The following GNB1 variants were observed in gnomAD, a reference collection of about 807,000 sequenced individuals.
GNB1 encodes the protein guanine nucleotide-binding protein G(I)/G(S)/G(T) subunit beta-1.
Under a neutral mutation model 42.9 loss-of-function variants are expected in GNB1, and 2 were observed. The ratio of observed to expected loss-of-function variants is 0.05; its 90% CI spans 0.02 to 0.15. The LOEUF is 0.15. GNB1 is among the 10% of genes least tolerant of loss of function. GNB1 has a pLI of 1.00. For synonymous variants in GNB1, 183 were observed against 174.7 expected (o/e 1.05, Z -0.38); for missense variants, 193 against 462.2 (o/e 0.42, Z 5.34).
chr1:1,876,193 GTGA>G (rs1443896395), intron 1 of GNB1, among the ~76,000 whole-genome samples: 10 of 152,292 alleles, frequency 6.6e-5, no homozygotes, highest in African/African-American at 2.2e-4. Context: ...CATCCAACTT[GTGA>G]TGATTTGCTA....
intron 7 of GNB1, among the ~76,000 whole-genome samples, chr1:1,803,008 T>A (rs1646646489): frequency 6.6e-6 from 1 of 152,148 alleles, no homozygotes; most frequent in African/African-American, 2.4e-5. Flanking sequence ...AGGTTAAACT[T>A]GTAATCTGGC....
At chr1:1,811,689 G>A (rs922283670) in intron 5 of GNB1, among the ~76,000 whole-genome samples, 14 of 151,592 alleles carry the variant, frequency 9.2e-5, no homozygotes, top group Admixed American at 2.6e-4. Flanking sequence ...GTGAGACTCC[G>A]TCTCAAAAAA....
chr1:1,889,799 A>G (rs1650370665), intron 1 of GNB1, among the ~76,000 whole-genome samples: 1 of 152,230 alleles, frequency 6.6e-6, no homozygotes, highest in African/African-American at 2.4e-5. Context: ...ATTCACAAGA[A>G]AAAATATAGC....
At chr1:1,837,785 G>T (rs985422816) in intron 2 of GNB1, among the ~76,000 whole-genome samples, 3 of 151,112 alleles carry the variant, frequency 2.0e-5, no homozygotes, top group Admixed American at 1.3e-4. Flanking sequence ...GGATGGTCTC[G>T]ATCTCCAGAC....
intron 1 of GNB1, among the ~76,000 whole-genome samples, chr1:1,885,012 TAA>T (rs1650068883): frequency 6.6e-6 from 1 of 152,094 alleles, no homozygotes; most frequent in Non-Finnish European, 1.5e-5. Context: ...GTGAATGAAT[TAA>T]TACATAAAGT....
intron 2 of GNB1, among the ~76,000 whole-genome samples, chr1:1,835,763 G>T (rs781250059): frequency 1.6e-4 from 25 of 151,976 alleles, no homozygotes; most frequent in Non-Finnish European, 3.2e-4. Flanking sequence ...TACTACAGGT[G>T]TGTGTTGAAC....
chr1:1,814,483 G>A (rs1226990555), intron 5 of GNB1, among the ~76,000 whole-genome samples: 1 of 152,104 alleles, frequency 6.6e-6, no homozygotes, highest in Non-Finnish European at 1.5e-5. Context: ...TGGTGGAGAA[G>A]AAAGGGGTAT....
At chr1:1,830,997 C>T (rs1239878615) in intron 2 of GNB1, among the ~76,000 whole-genome samples, 1 of 152,080 alleles carries the variant, frequency 6.6e-6, no homozygotes, top group Non-Finnish European at 1.5e-5. Flanking sequence ...AACTCCGTTT[C>T]TACTAAAAAA....
At chr1:1,852,238 ATTT>A (rs997075532) in intron 1 of GNB1, among the ~76,000 whole-genome samples, 1 of 151,558 alleles carries the variant, frequency 6.6e-6, no homozygotes, top group Non-Finnish European at 1.5e-5. Context: ...TGCCTCTCAA[ATTT>A]TTTTTGAGAC....
chr1:1,791,700 C>T (rs1037416203), intron 8 of GNB1, among the ~76,000 whole-genome samples: 1 of 152,182 alleles, frequency 6.6e-6, no homozygotes, highest in Non-Finnish European at 1.5e-5. Context: ...CCTGGCAATG[C>T]AAATCCAATC....
intron 1 of GNB1, among the ~76,000 whole-genome samples, chr1:1,844,393 A>G (rs1478312477): frequency 1.6e-3 from 2 of 1,290 alleles, no homozygotes; most frequent in Non-Finnish European, 6.4e-3. Flanking sequence ...TCCGTCTCCA[A>G]AAAAAAAAAA....
intron 7 of GNB1, among the ~76,000 whole-genome samples, chr1:1,799,077 C>T (rs1296605758): frequency 2.6e-5 from 4 of 152,140 alleles, no homozygotes; most frequent in African/African-American, 9.7e-5. Flanking sequence ...CCCGCCACCT[C>T]GCCCGGCTAA....
In GNB1 at chr1:1,785,924, C is replaced by T. The variant is rs578047957; in HGVS notation, c.*1139G>A. On this transcript the variant is annotated 3_prime_UTR_variant, in exon 12 of 12. Coordinates refer to ENST00000378609, the MANE Select transcript of GNB1 (RefSeq NM_002074.5). ...AGCAGCAACGAGAAGTGGACAGAGCCGCAATGGTTACAACTGTAAGAGGTT... is the reference window on the plus strand; with the variant it reads ...AGCAGCAACGAGAAGTGGACAGAGCTGCAATGGTTACAACTGTAAGAGGTT... The T allele has an allele frequency of 3.5e-5, 14 of 398,554 alleles. No individual in the cohort carries two copies. Among genetic ancestry groups the T allele is most frequent in the Admixed American group, 4.4e-5 (1 of 22,666 alleles). 24.7% of individuals were successfully genotyped at this position (398,554 alleles called of 1,614,324 possible).
At chr1:1,830,262 TAC>T (rs1406048091) in intron 2 of GNB1, among the ~76,000 whole-genome samples, 3 of 151,230 alleles carry the variant, frequency 2.0e-5, no homozygotes, top group Non-Finnish European at 4.4e-5. Context: ...AAAATAATAT[TAC>T]ATTTTTTTTT....
At chr1:1,831,535 A>G (rs1263170492) in intron 2 of GNB1, among the ~76,000 whole-genome samples, 3 of 151,652 alleles carry the variant, frequency 2.0e-5, no homozygotes, top group Non-Finnish European at 2.9e-5. Context: ...TGCAACCTCC[A>G]CCTCCTGAGT....
chr1:1,799,742 G>A (rs777547278), intron 7 of GNB1, among the ~76,000 whole-genome samples: 46 of 152,222 alleles, frequency 3.0e-4, no homozygotes, highest in Non-Finnish European at 6.3e-4. Context: ...TTGTTCTTAA[G>A]GAGCTTTCTC....
chr1:1,860,838 G>A (rs946420908), intron 1 of GNB1, among the ~76,000 whole-genome samples: 2 of 151,898 alleles, frequency 1.3e-5, no homozygotes, highest in African/African-American at 2.4e-5. Flanking sequence ...CACACTACAC[G>A]CTCATCAAAA....
At chr1:1,848,689 G>C (rs1025412246) in intron 1 of GNB1, among the ~76,000 whole-genome samples, 1 of 152,104 alleles carries the variant, frequency 6.6e-6, no homozygotes, top group African/African-American at 2.4e-5. Context: ...ACTGCTATCG[G>C]TAAGGCTTCC....
intron 2 of GNB1, 92 bp from the exon 3 acceptor site, chr1:1,825,591 G>A (rs573520475): frequency 1.5e-5 from 11 of 750,266 alleles, no homozygotes; most frequent in Admixed American, 9.3e-5. Flanking sequence ...TAAGGTGGGC[G>A]TGGTGGCTCA....
Sources: gnomAD v4.1 joint callset for allele counts (sites outside exome capture counted in the v4.1 genomes callset) on GRCh38, gnomAD v4.1.1 for gene constraint, MANE v1.5 for transcripts, NCBI Gene and HGNC (gene_info 2026-07-23, HGNC 2026-07-21) for gene names.